DOCK4: variants seen among roughly 807,000 people sequenced by gnomAD.
DOCK4 encodes the protein dedicator of cytokinesis protein 4.
Under a neutral mutation model 268.1 loss-of-function variants are expected in DOCK4, and 97 were observed. The ratio of observed to expected loss-of-function variants is 0.36; its 90% CI spans 0.31 to 0.43. The LOEUF (loss-of-function observed/expected upper bound fraction) is 0.43. Among genes scored for constraint, DOCK4 ranks in the 20% least tolerant of loss-of-function variants. The pLI, the probability that DOCK4 is intolerant of heterozygous loss-of-function variation, is 1.00. For synonymous variants in DOCK4, 954 were observed against 887.2 expected (o/e 1.08, Z -1.34); for missense variants, 2,145 against 2,455.7 (o/e 0.87, Z 2.67).
chr7:111,739,137 C>G lies in DOCK4; in HGVS notation c.5229G>C (p.Ser1743=). The stretch of plus-strand genomic sequence containing the variant: ...TTCTCTACCCTACAAGGAGTACCTG[C>G]GAAGGCTCCACAGGTGTTGGATAGA... ...SAIYPTPVEP[S]QRMLFNHIGD... is the part of the protein sequence containing the mutation. The change falls in exon 49 of 53, where the codon TCG becomes TCC. Residue 1743 remains serine (S), a synonymous_variant. Coordinates refer to ENST00000428084, the MANE Select transcript of DOCK4 (RefSeq NM_001363540.2). 6.2e-7 allele frequency: 1 copy of G among 1,610,996 alleles called. No homozygotes were observed. Among genetic ancestry groups the G allele is most frequent in the Non-Finnish European group, 8.5e-7 (1 of 1,177,278 alleles).
chr7:112,074,519 G>A (rs1056633503), intron 1 of DOCK4, among the ~76,000 whole-genome samples: 2 of 152,082 alleles, frequency 1.3e-5, no homozygotes, highest in East Asian at 3.9e-4. Flanking sequence ...GCCAGTTGCT[G>A]GCTCCTAGAT....
chr7:111,728,781 C>A, intron 52 of DOCK4, 61 bp from the exon 53 acceptor site: 1 of 1,475,750 alleles, frequency 6.8e-7, no homozygotes, highest in Non-Finnish European at 9.1e-7. Flanking sequence ...CGCAGATGCG[C>A]TGAAATGTAC....
At chr7:112,185,685 A>G (rs1819444226) in intron 1 of DOCK4, among the ~76,000 whole-genome samples, 1 of 152,196 alleles carries the variant, frequency 6.6e-6, no homozygotes, top group African/African-American at 2.4e-5. Flanking sequence ...TGAGTGACAC[A>G]ATGGTGTTAT....
At position 111,739,414 on chromosome 7, in the gene DOCK4, C is replaced by G. The variant is rs537810107; in HGVS notation, c.5104G>C (p.Ala1702Pro). ...HSASPNVTSS[A>P]PSSARASPLL... The stretch of plus-strand genomic sequence containing the variant: ...CACTGACCTCTGGCACTCGATGGAG[C>G]AGAACTTGTCACATTAGGTGAAGCC... Residue 1702 changes from alanine to proline, a missense_variant, in exon 48 of 53, where the codon GCT becomes CCT. Coordinates refer to ENST00000428084, the MANE Select transcript of DOCK4 (RefSeq NM_001363540.2). 1.3e-6 allele frequency: 2 copies of G among 1,585,556 alleles called. No homozygotes were observed. Among genetic ancestry groups the G allele is most frequent in the African/African-American group, 2.7e-5 (2 of 74,390 alleles).
chr7:112,192,504 C>T (rs1820050877), intron 1 of DOCK4, among the ~76,000 whole-genome samples: 1 of 152,136 alleles, frequency 6.6e-6, no homozygotes, highest in East Asian at 1.9e-4. Flanking sequence ...TCTTCAGGTG[C>T]ACAAGTGAAT....
At chr7:111,832,134 G>A (rs768032405) in intron 26 of DOCK4, among the ~76,000 whole-genome samples, 28 of 152,174 alleles carry the variant, frequency 1.8e-4, no homozygotes, top group Non-Finnish European at 3.4e-4. Flanking sequence ...TAAAGGTGGG[G>A]TAGAGAGTGT....
intron 37 of DOCK4, among the ~76,000 whole-genome samples, chr7:111,768,612 C>A (rs1053699301): frequency 6.6e-6 from 1 of 152,066 alleles, no homozygotes; most frequent in Admixed American, 6.5e-5. Flanking sequence ...GTACTACAAG[C>A]CCTTGAAGAG....
In DOCK4 at chr7:112,134,866, T is replaced by C. The variant is rs541700788; in HGVS notation, c.37+71236A>G. Among the ~76,000 whole-genome samples, 155 of 152,314 alleles carry C rather than the reference T, an allele frequency of 1.0e-3. 1 individual carries two copies. Among genetic ancestry groups the C allele is most frequent in the African/African-American group, 3.5e-3 (146 of 41,576 alleles). ...TTAATAAGAAAACGCTATGCTTCAA[T>C]GAGGCATATTCCATTTCTCAGAATA... On this transcript the variant is annotated intron_variant, in intron 1 of 52. Transcript: ENST00000428084.
intron 51 of DOCK4, among the ~76,000 whole-genome samples, chr7:111,733,260 G>A (rs945917164): frequency 6.6e-6 from 1 of 152,206 alleles, no homozygotes. Flanking sequence ...GATGACATAA[G>A]AACAGACCAT....
intron 1 of DOCK4, among the ~76,000 whole-genome samples, chr7:112,079,588 A>C (rs1396237766): frequency 6.6e-6 from 1 of 152,216 alleles, no homozygotes; most frequent in Non-Finnish European, 1.5e-5. Flanking sequence ...AAGGGTCTAG[A>C]GACCCTGTAC....
chr7:111,776,649 G>A (rs57136946), intron 36 of DOCK4, among the ~76,000 whole-genome samples: 7,824 of 152,130 alleles, frequency 0.051, 648 homozygotes, highest in African/African-American at 0.18. Flanking sequence ...GAAGCTTCCC[G>A]AATTTGGTAA....
At chr7:111,984,202 A>C in intron 7 of DOCK4, 104 bp downstream of exon 7, 1 of 1,041,552 alleles carries the variant, frequency 9.6e-7, no homozygotes, top group Non-Finnish European at 1.4e-6. Context: ...TCTCTAAATT[A>C]ATCCTGGAAC....
chr7:111,985,080 G>A (rs561423614), intron 6 of DOCK4, among the ~76,000 whole-genome samples: 17 of 151,966 alleles, frequency 1.1e-4, no homozygotes, highest in African/African-American at 4.1e-4. Context: ...TATCAAGTAT[G>A]GTAACTGACT....
chr7:111,935,074 G>A (rs1345439507), intron 12 of DOCK4, among the ~76,000 whole-genome samples: 1 of 151,482 alleles, frequency 6.6e-6, no homozygotes, highest in East Asian at 1.9e-4. Flanking sequence ...AACCTCCCGA[G>A]TAGCTGGGAT....
chr7:111,889,571 C>T (rs1227100959), intron 16 of DOCK4, among the ~76,000 whole-genome samples: 1 of 152,098 alleles, frequency 6.6e-6, no homozygotes. Flanking sequence ...AGAAGTCCAT[C>T]TCAAAGGTAG....
chr7:111,857,280 C>T (rs1390370450), intron 23 of DOCK4, among the ~76,000 whole-genome samples: 1 of 152,118 alleles, frequency 6.6e-6, no homozygotes, highest in Non-Finnish European at 1.5e-5. Context: ...TAATAGTCTA[C>T]CTTTCTCTAT....
At chr7:112,014,083 G>A (rs1000868074) in intron 1 of DOCK4, among the ~76,000 whole-genome samples, 2 of 152,200 alleles carry the variant, frequency 1.3e-5, no homozygotes, top group Admixed American at 1.3e-4. Context: ...CCATGTGCCA[G>A]TATTGTGCTA....
chr7:112,075,779 T>C (rs1808010821), intron 1 of DOCK4, among the ~76,000 whole-genome samples: 1 of 151,850 alleles, frequency 6.6e-6, no homozygotes, highest in East Asian at 1.9e-4. Flanking sequence ...TTTGTCCTTA[T>C]TTAAAAAAAA....
chr7:112,178,240 C>T (rs935367299), intron 1 of DOCK4, among the ~76,000 whole-genome samples: 1 of 152,204 alleles, frequency 6.6e-6, no homozygotes, highest in Admixed American at 6.5e-5. Context: ...AGGACTTTGG[C>T]TGTATCACTC....
Sources: gnomAD v4.1 joint callset for allele counts (sites outside exome capture counted in the v4.1 genomes callset) on GRCh38, gnomAD v4.1.1 for gene constraint, MANE v1.5 for transcripts, NCBI Gene and HGNC (gene_info 2026-07-23, HGNC 2026-07-21) for gene names.